The following CILP variants were observed in gnomAD, a reference collection of about 807,000 sequenced individuals.
The protein encoded by CILP is cartilage intermediate layer protein 1.
Under a neutral mutation model 82.5 loss-of-function variants are expected in CILP, and 75 were observed. That is an observed-to-expected ratio of 0.91 (90% CI 0.75 to 1.10). The LOEUF is 1.10. CILP is among the 50% of genes least tolerant of loss of function. CILP has a pLI of 0.00. For synonymous variants in CILP, 530 were observed against 580.3 expected, an observed-to-expected ratio of 0.91 and a Z score of 1.25; for missense variants, 1,479 against 1,530.8, an observed-to-expected ratio of 0.97 and a Z score of 0.56.
At chr15:65,203,240 C>T (rs546211657) in intron 7 of CILP, 122 bp downstream of exon 7, 2 of 699,384 alleles carry the variant, frequency 2.9e-6, no homozygotes, top group South Asian at 1.9e-5. Context: ...GGGCTCTGTA[C>T]CACTGTCTTA....
chr15:65,197,957 C>T lies in CILP; in HGVS notation c.2329G>A (p.Val777Met), dbSNP rs749430432. The change falls in exon 9 of 9, where the codon GTG becomes ATG. Residue 777 changes from valine to methionine, a missense_variant. Coordinates refer to ENST00000261883, the MANE Select transcript of CILP (RefSeq NM_003613.4). Reference protein sequence around the residue: ...SEQIQGVVISVINLEPRTGFL... With the variant: ...SEQIQGVVISMINLEPRTGFL... ...CCAGTTCTAGGCTCCAGGTTAATCA[C>T]GGAGATCACAACCCCCTGGATCTGC... is the stretch of plus-strand genomic sequence containing the variant. 1.1e-5 allele frequency: 18 copies of T among 1,614,024 alleles called. No individual in the cohort carries two copies. The highest frequency in any genetic ancestry group is 1.4e-5 in the Non-Finnish European group (17 of 1,180,028).
In CILP at chr15:65,196,071, G is replaced by A. The variant is rs938951; in HGVS notation, c.*660C>T. 147,633 of 152,324 alleles carry A rather than the reference G, an allele frequency of 0.97. 71,714 individuals are homozygous for A. Among genetic ancestry groups the A allele is most frequent in the East Asian group, 1 (5,184 of 5,184 alleles). 9.4% of individuals were successfully genotyped at this position (152,324 alleles called of 1,614,324 possible). ...CTACACTGGGTTTCTAGCAAGAACA[G>A]AAGCGAATGCAAAGGGAAATGTACA... On this transcript the variant is annotated 3_prime_UTR_variant, in exon 9 of 9. Transcript: ENST00000261883.
In CILP at chr15:65,205,381, G is replaced by T. The variant is rs1378987992; in HGVS notation, c.510C>A (p.Val170=). 2 of 1,613,966 alleles carry T rather than the reference G, an allele frequency of 1.2e-6. No individual in the cohort carries two copies. The highest frequency in any genetic ancestry group is 8.5e-7 in the Non-Finnish European group (1 of 1,180,042). Residue 170 remains valine, a synonymous_variant, in exon 5 of 9, where the codon GTC becomes GTA. Transcript: ENST00000261883. The stretch of plus-strand genomic sequence containing the variant: ...CCAAGCAAATGCGTGTGCGAGTCTG[G>T]ACCCCAGTCTGACCACAGGCAGCTG... ...KCSAACGQTG[V]QTRTRICLAE...
intron 5 of CILP, 143 bp downstream of exon 5, chr15:65,205,144 G>C (rs577793023): frequency 2.5e-5 from 19 of 760,904 alleles, no homozygotes; most frequent in Non-Finnish European, 3.7e-5. Flanking sequence ...TCTCTCATTA[G>C]GGCACATAGT....
In CILP at chr15:65,197,035, G is replaced by A; in HGVS notation, c.3251C>T (p.Pro1084Leu). Reference protein sequence around the residue: ...YGIYTVTDQDPRTAKEIALGR... With the variant: ...YGIYTVTDQDLRTAKEIALGR... Reference sequence around the variant, plus strand: ...GAGCGCGATCTCCTTGGCCGTGCGAGGGTCCTGGTCAGTGACAGTGTAGAT... The same window carrying A: ...GAGCGCGATCTCCTTGGCCGTGCGAAGGTCCTGGTCAGTGACAGTGTAGAT... Residue 1084 changes from proline to leucine, a missense_variant, in exon 9 of 9, where the codon CCT (proline) becomes CTT (leucine). By Grantham distance (98) the Pro-to-Leu change is moderately conservative. Coordinates refer to ENST00000261883, the MANE Select transcript of CILP (RefSeq NM_003613.4). 5 of 1,614,220 alleles carry A rather than the reference G, an allele frequency of 3.1e-6. No individual in the cohort carries two copies. The highest frequency in any genetic ancestry group is 4.2e-6 in the Non-Finnish European group (5 of 1,180,050).
chr15:65,202,486 G>A lies in CILP; in HGVS notation c.1029-457C>T, dbSNP rs149635863. 4.0e-3 allele frequency among the ~76,000 whole-genome samples: 602 copies of A among 151,864 alleles called. 5 individuals carry two copies. Among genetic ancestry groups the A allele is most frequent in the African/African-American group, 0.014 (580 of 41,400 alleles). On this transcript the variant is annotated intron_variant, in intron 7 of 8. Coordinates refer to ENST00000261883, the MANE Select transcript of CILP (RefSeq NM_003613.4). ...TCTGTCGCCTAGGCTAGAGTACAGT[G>A]GCATGATCTTGACTCACTGCAACCT...
chr15:65,205,769 C>A (rs1035109900), intron 4 of CILP, among the ~76,000 whole-genome samples: 2 of 152,200 alleles, frequency 1.3e-5, no homozygotes, highest in Admixed American at 6.5e-5. Flanking sequence ...TGTCTTTCTT[C>A]TTCACCAGTG....
rs768702821 is a variant in CILP, at chr15:65,197,191, C to G, written c.3095G>C (p.Ser1032Thr). ...GGGGTTCACACTGGCTCGACGGCAG[C>G]TGCCCTGGGGGATGACCTTCACCAG... ...RTLVKVIPQG[S>T]CRRASVNPML... is the part of the protein sequence containing the mutation. The change falls in exon 9 of 9, where the codon AGC becomes ACC. Residue 1032 changes from serine (S) to threonine (T), a missense_variant. Ser to Thr is a moderately conservative substitution (Grantham distance 58). Coordinates refer to ENST00000261883, the MANE Select transcript of CILP (RefSeq NM_003613.4). 1.1e-4 allele frequency: 170 copies of G among 1,613,896 alleles called. No homozygotes were observed. Among genetic ancestry groups the G allele is most frequent in the Non-Finnish European group, 1.4e-4 (160 of 1,180,016 alleles).
At chr15:65,209,428 C>A (rs1393723832) in intron 2 of CILP, among the ~76,000 whole-genome samples, 1 of 152,140 alleles carries the variant, frequency 6.6e-6, no homozygotes. Context: ...CTAAAAATAA[C>A]CCTCTTATCT....
chr15:65,199,472 G>A (rs1281548431), intron 8 of CILP, among the ~76,000 whole-genome samples: 2 of 152,208 alleles, frequency 1.3e-5, no homozygotes, highest in Non-Finnish European at 2.9e-5. Context: ...TCTGTGTTCT[G>A]AACAACTTTC....
At position 65,204,337 on chromosome 15, in the gene CILP, G is replaced by A; in HGVS notation, c.850C>T (p.Pro284Ser). ...ILKITKVKFA[P>S]IVLTMPKTSL... is the part of the protein sequence containing the mutation. ...GTCTTGGGCATTGTGAGTACAATGGGGGCAAACTTGACCTTTGTGATCTTC... is the reference window on the plus strand; with the variant it reads ...GTCTTGGGCATTGTGAGTACAATGGAGGCAAACTTGACCTTTGTGATCTTC... The change falls in exon 6 of 9, where the codon CCC becomes TCC. Residue 284 changes from proline (P) to serine (S), a missense_variant. Physicochemically the swap from Pro to Ser is moderately conservative, Grantham distance 74. Transcript: ENST00000261883. 2 of 1,614,182 alleles carry A rather than the reference G, an allele frequency of 1.2e-6. No individual in the cohort carries two copies. Among genetic ancestry groups the A allele is most frequent in the South Asian group, 1.1e-5 (1 of 91,070 alleles).
chr15:65,196,806 C>G lies in CILP; in HGVS notation c.3480G>C (p.Arg1160Ser), dbSNP rs764021753. The G allele has an allele frequency of 3.1e-6, 5 of 1,606,634 alleles. No homozygotes were observed. Among genetic ancestry groups the G allele is most frequent in the Non-Finnish European group, 3.4e-6 (4 of 1,175,388 alleles). Residue 1160 changes from arginine to serine, a missense_variant, in exon 9 of 9, where the codon AGG (arginine) becomes AGC (serine). By Grantham distance (110) the Arg-to-Ser change is moderately radical (BLOSUM62 -1). Coordinates refer to ENST00000261883, the MANE Select transcript of CILP (RefSeq NM_003613.4). ...VPSRRQQRAS[R>S]GGQRQGGVVA... is the part of the protein sequence containing the mutation. Reference sequence around the variant, plus strand: ...CCACTCCACCCTGGCGCTGGCCACCCCTGCTCGCTCGCTGCTGCCTCCTCG... The same window carrying G: ...CCACTCCACCCTGGCGCTGGCCACCGCTGCTCGCTCGCTGCTGCCTCCTCG...
intron 3 of CILP, among the ~76,000 whole-genome samples, chr15:65,207,294 G>A (rs2088528533): frequency 6.6e-6 from 1 of 152,082 alleles, no homozygotes; most frequent in Middle Eastern, 3.2e-3. Flanking sequence ...ACCCATCCCT[G>A]ACCCTGCAGT....
chr15:65,204,652 C>A, intron 5 of CILP, 70 bp from the exon 6 acceptor site: 1 of 1,453,952 alleles, frequency 6.9e-7, no homozygotes. Context: ...CATCACAGAT[C>A]ACTTCCTCTC....
chr15:65,206,737 G>C, intron 4 of CILP, 45 bp downstream of exon 4: 1 of 1,577,726 alleles, frequency 6.3e-7, no homozygotes, highest in Non-Finnish European at 8.6e-7. Flanking sequence ...CCTGAGTAGA[G>C]GCCAGTGGGA....
In CILP at chr15:65,194,857, A is replaced by ACCCCCCCCCCCCCCCCCCC. The variant is rs1238102038; in HGVS notation, c.*1873_*1874insGGGGGGGGGGGGGGGGGGG. ...GTCAGCCCACCTTCCCCAGCAACCCACCCCCCCCCGACCCTCCCCCTCCCC... is the reference window on the plus strand; with the variant it reads ...GTCAGCCCACCTTCCCCAGCAACCCACCCCCCCCCCCCCCCCCCCCCCCCCCCCGACCCTCCCCCTCCCC... On this transcript the variant is annotated 3_prime_UTR_variant, in exon 9 of 9. Coordinates refer to ENST00000261883, the MANE Select transcript of CILP (RefSeq NM_003613.4). 8.4e-5 allele frequency: 6 copies of ACCCCCCCCCCCCCCCCCCC among 71,030 alleles called. No homozygotes were observed. The highest frequency in any genetic ancestry group is 1.7e-4 in the African/African-American group (3 of 17,694). 4.4% of individuals were successfully genotyped at this position (71,030 alleles called of 1,614,324 possible).
chr15:65,198,349 T>C lies in CILP; in HGVS notation c.1937A>G (p.Asn646Ser), dbSNP rs961814997. 6.2e-6 allele frequency: 10 copies of C among 1,614,070 alleles called. No individual in the cohort carries two copies. Among genetic ancestry groups the C allele is most frequent in the Admixed American group, 3.3e-5 (2 of 60,006 alleles). The part of the protein sequence containing the change: ...TAAQTDLNFI[N>S]DEGDTFPLRT... ...AAGGGGGAAAGTGTCTCCTTCGTCA[T>C]TGATGAAGTTCAGGTCAGTCTGGGC... Residue 646 changes from asparagine (N) to serine (S), a missense_variant, in exon 9 of 9, where the codon AAT (asparagine) becomes AGT (serine). Asn to Ser is a conservative substitution (Grantham distance 46). Transcript: ENST00000261883.
chr15:65,196,624 T>G lies in CILP; in HGVS notation c.*107A>C. On this transcript the variant is annotated 3_prime_UTR_variant, in exon 9 of 9. Coordinates refer to ENST00000261883, the MANE Select transcript of CILP (RefSeq NM_003613.4). ...AGGCATGAAGAAACAAACAAGCAAA[T>G]TCACGAAAACAGAAGTGCTTAAATT... The G allele has an allele frequency of 9.7e-7, 1 of 1,025,962 alleles. No individual in the cohort carries two copies. The highest frequency in any genetic ancestry group is 1.4e-6 in the Non-Finnish European group (1 of 722,426). The allele number at this position is 1,025,962 out of a possible 1,614,324, so 63.6% of individuals were successfully genotyped here. A position where few individuals can be genotyped will look rare whatever the true frequency, so the allele number is the denominator to read the frequency against.
chr15:65,200,753 G>A (rs2088439543), intron 8 of CILP, among the ~76,000 whole-genome samples: 1 of 152,166 alleles, frequency 6.6e-6, no homozygotes, highest in Admixed American at 6.6e-5. Flanking sequence ...TTTAAACTAT[G>A]CATGCCCAGG....
Sources: allele counts gnomAD v4.1 joint callset (sites outside exome capture counted in the v4.1 genomes callset), GRCh38; gene constraint gnomAD v4.1.1; transcripts MANE v1.5; gene names NCBI Gene and HGNC (gene_info 2026-07-23, HGNC 2026-07-21).